The following GBGT1 variants were observed in gnomAD, a reference collection of about 807,000 sequenced individuals.
GBGT1 encodes globoside alpha-1,3-N-acetylgalactosaminyltransferase 1.
Under a neutral mutation model 20.9 loss-of-function variants are expected in GBGT1, and 18 were observed. That is an observed-to-expected ratio of 0.86 (90% CI 0.60 to 1.28). The LOEUF is 1.28. Among genes scored for constraint, GBGT1 ranks in the 50% most tolerant of loss-of-function variants. GBGT1 has a pLI of 0.00. For missense variants in GBGT1, 432 were observed against 455.7 expected (o/e 0.95, Z 0.47); for synonymous variants, 168 against 180.8 (o/e 0.93, Z 0.57).
At chr9:133,160,946 G>C in intron 3 of GBGT1, 1 of 300,764 alleles carries the variant, frequency 3.3e-6, no homozygotes, top group Non-Finnish European at 6.1e-6. Context: ...GGAGGTGGAG[G>C]TTGCTGTGAG....
At chr9:133,157,287 CAAAAAA>C (rs71503325) in intron 3 of GBGT1, among the ~76,000 whole-genome samples, 3 of 77,908 alleles carry the variant, frequency 3.9e-5, no homozygotes, top group Non-Finnish European at 7.9e-5. Context: ...GACCCTGTCT[CAAAAAA>C]AAAAAAAAAA....
Position 133,154,050 on chromosome 9 carries a change from T to C in GBGT1, c.571A>G (p.Ile191Val), listed in dbSNP as rs1396176167. The C allele has an allele frequency of 3.7e-6, 6 of 1,613,542 alleles. No individual in the cohort carries two copies. Among genetic ancestry groups the C allele is most frequent in the African/African-American group, 1.3e-5 (1 of 74,912 alleles). The change falls in exon 7 of 7, where the codon ATT becomes GTT. Residue 191 changes from isoleucine (I) to valine (V), a missense_variant. Transcript: ENST00000372040. The surrounding 1 kb of genome is among the most constrained non-coding windows in gnomAD (Gnocchi z 4.2). ...ACCTCCCGGTGAGCCCTCTTAGCAATGTGCTGGCTGATGGTCTCCATCCGG... is the reference window on the plus strand; with the variant it reads ...ACCTCCCGGTGAGCCCTCTTAGCAACGTGCTGGCTGATGGTCTCCATCCGG... ...MRRMETISQH[I>V]AKRAHREVDY...
At chr9:133,155,724 G>A (rs994781044) in intron 5 of GBGT1, among the ~76,000 whole-genome samples, 177 bp downstream of exon 5, 1 of 152,100 alleles carries the variant, frequency 6.6e-6, no homozygotes, top group Non-Finnish European at 1.5e-5. Flanking sequence ...AGTTGGGTAC[G>A]CTGCCCAGGG....
intron 3 of GBGT1, among the ~76,000 whole-genome samples, chr9:133,157,051 A>T (rs563040232): frequency 6.6e-6 from 1 of 152,190 alleles, no homozygotes; most frequent in African/African-American, 2.4e-5. Context: ...TGGGGGCCCA[A>T]CGCGGGCAAA....
chr9:133,158,826 AC>A (rs1376489892), intron 3 of GBGT1, among the ~76,000 whole-genome samples: 23 of 152,216 alleles, frequency 1.5e-4, no homozygotes, highest in Admixed American at 5.2e-4. Context: ...TCATTAAACA[AC>A]AGCTTGCCGT....
At chr9:133,155,123 A>G in intron 6 of GBGT1, 55 bp downstream of exon 6, 1 of 1,548,130 alleles carries the variant, frequency 6.5e-7, no homozygotes, top group Non-Finnish European at 8.9e-7. Context: ...CTTCCCAACT[A>G]TAAACTCCTG....
chr9:133,163,632 C>A, intron 1 of GBGT1, 122 bp downstream of exon 1: 1 of 152,822 alleles, frequency 6.5e-6, no homozygotes, highest in South Asian at 1.9e-4. Context: ...TGGTCGGGAC[C>A]CGGGACCCTG....
intron 1 of GBGT1, among the ~76,000 whole-genome samples, 155 bp from the exon 2 acceptor site, chr9:133,162,687 C>G (rs1483495241): frequency 6.6e-6 from 1 of 152,208 alleles, no homozygotes; most frequent in East Asian, 1.9e-4. Flanking sequence ...ATTACAGGCA[C>G]AAGCCACCAT....
Position 133,153,533 on chromosome 9 carries a change from G to A in GBGT1, c.*44C>T, listed in dbSNP as rs753817883. ...GCACGCTAGTGAAGCACTGGTGGCT[G>A]CAGGTCTTTGGGTCCCCATCCATGG... On this transcript the variant is annotated 3_prime_UTR_variant, in exon 7 of 7. Coordinates refer to ENST00000372040, the MANE Select transcript of GBGT1 (RefSeq NM_021996.6). 1 of 1,382,210 alleles carries A rather than the reference G, an allele frequency of 7.2e-7. No individual in the cohort carries two copies. The allele number at this position is 1,382,210 out of a possible 1,614,324, so 85.6% of individuals were successfully genotyped here.
intron 3 of GBGT1, chr9:133,160,147 T>C (rs1832993132): frequency 5.6e-6 from 2 of 359,416 alleles, no homozygotes; most frequent in South Asian, 1.9e-5. Context: ...AAAATTAGCG[T>C]GTGTGCCTGT....
At position 133,153,654 on chromosome 9, in the gene GBGT1, T is replaced by C; in HGVS notation, c.967A>G (p.Arg323Gly). 4 of 1,609,974 alleles carry C rather than the reference T, an allele frequency of 2.5e-6. No individual in the cohort carries two copies. Among genetic ancestry groups the C allele is most frequent in the Non-Finnish European group, 3.4e-6 (4 of 1,177,828 alleles). ...VLSPEYLWDD[R>G]KPQPPSLKLI... ...TTCAGGCTGGGTGGCTGGGGCTTCC[T>C]GTCGTCCCAGAGGTACTCGGGGGAC... Residue 323 changes from arginine to glycine, a missense_variant, in exon 7 of 7, where the codon AGG (arginine) becomes GGG (glycine). Transcript: ENST00000372040.
At chr9:133,162,647 T>G in intron 1 of GBGT1, 115 bp from the exon 2 acceptor site, 1 of 542,992 alleles carries the variant, frequency 1.8e-6, no homozygotes, top group Non-Finnish European at 3.3e-6. Flanking sequence ...TTCAAGCGAT[T>G]CTCTTGTCTC....
At position 133,155,947 on chromosome 9, in the gene GBGT1, G is replaced by T; in HGVS notation, c.189-11C>A. ...TGAGGGTACTGTGACCTGCAACCAA[G>T]AAGGACCAGTGATGGAGGAGAGCCA... On this transcript the variant is annotated splice_polypyrimidine_tract_variant and intron_variant, in intron 4 of 6. Transcript: ENST00000372040. 6.2e-7 allele frequency: 1 copy of T among 1,614,188 alleles called. No homozygotes were observed. Among genetic ancestry groups the T allele is most frequent in the Non-Finnish European group, 8.5e-7 (1 of 1,180,012 alleles).
At position 133,158,858 on chromosome 9, in the gene GBGT1, G is replaced by T. The variant is rs182273059; in HGVS notation, c.137+2609C>A. 5.0e-3 allele frequency among the ~76,000 whole-genome samples: 761 copies of T among 152,232 alleles called. 6 individuals are homozygous for T. Among genetic ancestry groups the T allele is most frequent in the Non-Finnish European group, 6.1e-3 (414 of 68,010 alleles). Reference sequence around the variant, plus strand: ...GCCGTTGCCCCGCCCCCAGCCCCTGGGAACCATAATTCTACTTCTGCCTCT... The same window carrying T: ...GCCGTTGCCCCGCCCCCAGCCCCTGTGAACCATAATTCTACTTCTGCCTCT... On this transcript the variant is annotated intron_variant, in intron 3 of 6. Coordinates refer to ENST00000372040, the MANE Select transcript of GBGT1 (RefSeq NM_021996.6).
chr9:133,157,263 C>T (rs1198773895), intron 3 of GBGT1, among the ~76,000 whole-genome samples: 1 of 148,214 alleles, frequency 6.7e-6, no homozygotes, highest in Non-Finnish European at 1.5e-5. Context: ...CAGCCTGGGC[C>T]ACCCACAAAG....
At chr9:133,155,660 C>T (rs1832849372) in intron 5 of GBGT1, among the ~76,000 whole-genome samples, 2 of 152,200 alleles carry the variant, frequency 1.3e-5, no homozygotes, top group Non-Finnish European at 2.9e-5. Flanking sequence ...TCTGCTCCTC[C>T]AAACTCCAGT....
chr9:133,161,147 G>A (rs117294068), intron 3 of GBGT1: 46 of 402,852 alleles, frequency 1.1e-4, no homozygotes, highest in Middle Eastern at 1.2e-3. Flanking sequence ...GCTGGTCACC[G>A]GGAGCAACAG....
In GBGT1 at chr9:133,154,136, T is replaced by C; in HGVS notation, c.485A>G (p.His162Arg). 1 of 1,603,998 alleles carries C rather than the reference T, an allele frequency of 6.2e-7. No homozygotes were observed. The highest frequency in any genetic ancestry group is 1.1e-5 in the South Asian group (1 of 90,940). Residue 162 changes from histidine (H) to arginine (R), a missense_variant, in exon 7 of 7, where the codon CAC becomes CGC. Transcript: ENST00000372040. The surrounding 1 kb of genome is among the most constrained non-coding windows in gnomAD (Gnocchi z 4.2). ...AAVPGVPLGPHRLLSSIPIQG... is the reference protein window; with the variant it reads ...AAVPGVPLGPRRLLSSIPIQG... ...GATGGGGATGGAGCTGAGAAGCCGGTGGGGACCCAGCGGGACCCCGGGAAC... is the reference window on the plus strand; with the variant it reads ...GATGGGGATGGAGCTGAGAAGCCGGCGGGGACCCAGCGGGACCCCGGGAAC...
chr9:133,158,962 T>C (rs1161943334), intron 3 of GBGT1, among the ~76,000 whole-genome samples: 1 of 152,120 alleles, frequency 6.6e-6, no homozygotes, highest in Admixed American at 6.6e-5. Flanking sequence ...AGCTACTTTT[T>C]TTTTTCTTTT....
Sources: allele counts gnomAD v4.1 joint callset (sites outside exome capture counted in the v4.1 genomes callset), GRCh38; gene constraint gnomAD v4.1.1; non-coding constraint Gnocchi (gnomAD v3.1); transcripts MANE v1.5; gene names NCBI Gene and HGNC (gene_info 2026-07-23, HGNC 2026-07-21).